Variants in EZH2 observed in about 807,000 individuals in gnomAD.
The protein encoded by EZH2 is enhancer of zeste 2 polycomb repressive complex 2 subunit, also known as histone-lysine N-methyltransferase EZH2.
In EZH2, 18 loss-of-function variants were observed where a neutral mutation model predicts 98.4. That is an observed-to-expected ratio of 0.18 (90% CI 0.13 to 0.27). The LOEUF is 0.27. Ranked by LOEUF, EZH2 falls within the 10% of genes least tolerant of loss-of-function variation. The probability of loss-of-function intolerance (pLI) is 1.00; values close to 1 mark genes in which losing one functional copy is unlikely to be tolerated. For synonymous variants in EZH2, 338 were observed against 312.3 expected (o/e 1.08, Z -0.87); for missense variants, 470 against 935.1 (o/e 0.50, Z 6.49).
At chr7:148,881,229 G>T (rs904659187) in intron 1 of EZH2, among the ~76,000 whole-genome samples, 4 of 152,182 alleles carry the variant, frequency 2.6e-5, no homozygotes, top group African/African-American at 9.7e-5. Context: ...TTAAAAAGCA[G>T]ATCAACTTTC....
At chr7:148,817,506 C>A (rs941718434) in intron 10 of EZH2, 115 bp from the exon 11 acceptor site, 1 of 976,064 alleles carries the variant, frequency 1.0e-6, no homozygotes, top group East Asian at 2.6e-5. Context: ...CAAATCCAAT[C>A]GGCAAAACAC....
At chr7:148,828,378 C>A (rs940814744) in intron 6 of EZH2, among the ~76,000 whole-genome samples, 7 of 152,082 alleles carry the variant, frequency 4.6e-5, no homozygotes, top group African/African-American at 1.4e-4. Flanking sequence ...ACTCTGTCAC[C>A]CAGCCAGACT....
At chr7:148,871,403 TAAAAAAAAAA>T (rs71529646) in intron 1 of EZH2, among the ~76,000 whole-genome samples, 1 of 88,732 alleles carries the variant, frequency 1.1e-5, no homozygotes, top group African/African-American at 4.3e-5. Flanking sequence ...GACGAATAAT[TAAAAAAAAAA>T]AAAAAAAAAA....
At chr7:148,829,208 C>T (rs1808602713) in intron 5 of EZH2, among the ~76,000 whole-genome samples, 1 of 152,156 alleles carries the variant, frequency 6.6e-6, no homozygotes, top group Non-Finnish European at 1.5e-5. Flanking sequence ...TCAGACCCTG[C>T]TTTCTGCTGA....
rs773726378 is a variant in EZH2 at position 148,816,790 on chromosome 7, C to T, written c.1411-12G>A. The T allele has an allele frequency of 6.5e-5, 104 of 1,596,332 alleles. No homozygotes were observed. The highest frequency in any genetic ancestry group is 8.6e-5 in the Non-Finnish European group (100 of 1,163,998). On this transcript the variant is annotated splice_polypyrimidine_tract_variant and intron_variant, in intron 11 of 19. Transcript: ENST00000320356. The stretch of plus-strand genomic sequence containing the variant: ...CTAAACTCATACACCTGACAAGAGG[C>T]ACAGTCACAGAGCCATGAGGACAGT...
At chr7:148,822,407 G>A (rs141131346) in intron 8 of EZH2, among the ~76,000 whole-genome samples, 168 of 152,026 alleles carry the variant, frequency 1.1e-3, no homozygotes, top group African/African-American at 3.8e-3. Context: ...CTACTCCAGA[G>A]GCTGAGGCAC....
intron 13 of EZH2, 147 bp from the exon 14 acceptor site, chr7:148,815,186 T>G: frequency 9.1e-7 from 1 of 1,101,418 alleles, no homozygotes. Context: ...CATATTCCGG[T>G]TTCCACAACG....
intron 18 of EZH2, 28 bp downstream of exon 18, chr7:148,809,282 T>A: frequency 6.3e-7 from 1 of 1,595,126 alleles, no homozygotes; most frequent in Non-Finnish European, 8.6e-7. Context: ...GAAAAGGGAG[T>A]TCCAATTCTC....
intron 1 of EZH2, among the ~76,000 whole-genome samples, chr7:148,861,033 G>A (rs779698993): frequency 2.6e-5 from 4 of 151,850 alleles, no homozygotes; most frequent in Non-Finnish European, 4.4e-5. Flanking sequence ...GGGGTCTAGG[G>A]GGTATTGGTT....
intron 1 of EZH2, among the ~76,000 whole-genome samples, chr7:148,861,610 G>A (rs1012003311): frequency 4.6e-5 from 7 of 151,934 alleles, no homozygotes. Flanking sequence ...CTGAAAATAT[G>A]GAGGGCCAAC....
chr7:148,831,413 T>C (rs960397255), intron 4 of EZH2, among the ~76,000 whole-genome samples: 6 of 152,220 alleles, frequency 3.9e-5, no homozygotes, highest in Non-Finnish European at 8.8e-5. Flanking sequence ...AGATATTTTG[T>C]CTTTTCAATC....
intron 1 of EZH2, among the ~76,000 whole-genome samples, chr7:148,867,324 T>C (rs1220405425): frequency 6.6e-6 from 1 of 151,952 alleles, no homozygotes; most frequent in Non-Finnish European, 1.5e-5. Flanking sequence ...AAAACTCCCA[T>C]CTCAAAAATA....
At position 148,851,252 on chromosome 7, in the gene EZH2, C is replaced by A. The variant is rs9640535; in HGVS notation, c.-7-3947G>T. ...CGCAAAAGGAGATAAATCGCAGGGTCAGTTAGGACCCTGTGGTTCAGTTGT... is the reference window on the plus strand; with the variant it reads ...CGCAAAAGGAGATAAATCGCAGGGTAAGTTAGGACCCTGTGGTTCAGTTGT... On this transcript the variant is annotated intron_variant, in intron 1 of 19. Coordinates refer to ENST00000320356, the MANE Select transcript of EZH2 (RefSeq NM_004456.5). Among the ~76,000 whole-genome samples the A allele has an allele frequency of 1.2e-3, 188 of 152,244 alleles. 4 individuals carry two copies. The East Asian group carries it at 0.032, about 26-fold the overall frequency.
chr7:148,841,340 G>A (rs1812382425), intron 3 of EZH2, among the ~76,000 whole-genome samples: 1 of 152,054 alleles, frequency 6.6e-6, no homozygotes, highest in Non-Finnish European at 1.5e-5. Context: ...GGATTTACAA[G>A]TTATACAGGT....
In EZH2 at chr7:148,829,855, G is replaced by T. The variant is rs192314407; in HGVS notation, c.364-7C>A. On this transcript the variant is annotated splice_polypyrimidine_tract_variant and splice_region_variant and intron_variant, in intron 4 of 19. Transcript: ENST00000320356. Reference sequence around the variant, plus strand: ...AAACAGTTTCATCTTCCACCTAAAAGAAAAAAATATATTTAAAAAGCAGGT... The same window carrying T: ...AAACAGTTTCATCTTCCACCTAAAATAAAAAAATATATTTAAAAAGCAGGT... The T allele has an allele frequency of 2.0e-6, 3 of 1,537,570 alleles. No homozygotes were observed. The highest frequency in any genetic ancestry group is 2.3e-5 in the East Asian group (1 of 43,718).
chr7:148,865,212 T>C (rs1818276742), intron 1 of EZH2, among the ~76,000 whole-genome samples: 1 of 151,844 alleles, frequency 6.6e-6, no homozygotes, highest in African/African-American at 2.4e-5. Context: ...ATACCTGTTA[T>C]TTCAACACTT....
intron 1 of EZH2, among the ~76,000 whole-genome samples, chr7:148,876,904 G>A (rs1292990768): frequency 6.6e-6 from 1 of 152,140 alleles, no homozygotes; most frequent in Admixed American, 6.5e-5. Context: ...CTGGCTGGGA[G>A]ATCAGGACTT....
intron 1 of EZH2, among the ~76,000 whole-genome samples, chr7:148,862,809 A>G (rs1817881784): frequency 6.6e-6 from 1 of 152,206 alleles, no homozygotes; most frequent in African/African-American, 2.4e-5. Flanking sequence ...ATTCTCAAAC[A>G]AAACTGGCTT....
rs144892449 is a variant in EZH2 at position 148,847,127 on chromosome 7, G to C, written c.117+55C>G. 5.4e-5 allele frequency: 83 copies of C among 1,549,628 alleles called. 1 individual carries two copies. In the African/African-American group the frequency reaches 1.0e-3, roughly 19 times the overall value. The stretch of plus-strand genomic sequence containing the variant: ...AATAAAAACTTATTGAACTTAGGAG[G>C]GGAAAAAACCTATCCTTAATTGTAT... On this transcript the variant is annotated intron_variant, in intron 2 of 19. Transcript: ENST00000320356.
Sources: allele counts gnomAD v4.1 joint callset (sites outside exome capture counted in the v4.1 genomes callset), GRCh38; gene constraint gnomAD v4.1.1; transcripts MANE v1.5; gene names NCBI Gene and HGNC (gene_info 2026-07-23, HGNC 2026-07-21).